Variants in ANKRD6 observed in about 807,000 individuals in gnomAD.
ANKRD6 encodes the protein ankyrin repeat domain 6.
Under a neutral mutation model 82.3 loss-of-function variants are expected in ANKRD6, and 56 were observed. The observed-to-expected ratio is 0.68, with a 90% confidence interval of 0.55 to 0.85. The LOEUF is 0.85. Among genes scored for constraint, ANKRD6 ranks in the 40% least tolerant of loss-of-function variants. ANKRD6 has a pLI of 0.00. For synonymous variants in ANKRD6, 347 were observed against 352.1 expected (o/e 0.99, Z 0.16); for missense variants, 852 against 907.6 (o/e 0.94, Z 0.79).
intron 4 of ANKRD6, among the ~76,000 whole-genome samples, chr6:89,603,666 T>C (rs1297386024): frequency 6.6e-6 from 1 of 152,090 alleles, no homozygotes; most frequent in Admixed American, 6.5e-5. Flanking sequence ...TTAATTTCTT[T>C]AAACTATATT....
chr6:89,453,688 T>C (rs1582675285), intron 1 of ANKRD6, among the ~76,000 whole-genome samples: 1 of 152,220 alleles, frequency 6.6e-6, no homozygotes, highest in East Asian at 1.9e-4. Flanking sequence ...CAAGCTATTC[T>C]CCTGCCTCGG....
At chr6:89,495,259 A>G (rs544118867) in intron 1 of ANKRD6, among the ~76,000 whole-genome samples, 93 of 151,536 alleles carry the variant, frequency 6.1e-4, no homozygotes, top group Non-Finnish European at 1.1e-3. Flanking sequence ...AAACAAAACA[A>G]AACAGAAGAA....
At chr6:89,459,610 C>T (rs1322567070) in intron 1 of ANKRD6, among the ~76,000 whole-genome samples, 2 of 152,180 alleles carry the variant, frequency 1.3e-5, no homozygotes, top group Non-Finnish European at 2.9e-5. Flanking sequence ...AGTGATCCTC[C>T]TGCTTCAGAT....
intron 1 of ANKRD6, among the ~76,000 whole-genome samples, chr6:89,547,502 G>A (rs1297339794): frequency 2.0e-5 from 3 of 152,138 alleles, no homozygotes; most frequent in Non-Finnish European, 4.4e-5. Flanking sequence ...CCTCTGGGGG[G>A]CAGCCTGCCC....
chr6:89,440,705 C>A (rs986890510), intron 1 of ANKRD6, among the ~76,000 whole-genome samples: 1 of 151,726 alleles, frequency 6.6e-6, no homozygotes, highest in Non-Finnish European at 1.5e-5. Context: ...GTGGGAGGAT[C>A]GATCGCTTGA....
intron 1 of ANKRD6, among the ~76,000 whole-genome samples, chr6:89,512,432 T>C (rs1780661455): frequency 6.6e-6 from 1 of 152,214 alleles, no homozygotes; most frequent in South Asian, 2.1e-4. Flanking sequence ...GGGGCAAATC[T>C]AAGCCACCTC....
At chr6:89,504,646 C>G (rs1779642132) in intron 1 of ANKRD6, among the ~76,000 whole-genome samples, 1 of 152,122 alleles carries the variant, frequency 6.6e-6, no homozygotes, top group South Asian at 2.1e-4. Context: ...CTCAAGCAAT[C>G]CTCCTTTCTT....
intron 1 of ANKRD6, among the ~76,000 whole-genome samples, chr6:89,521,060 A>G (rs935571156): frequency 3.3e-5 from 5 of 152,194 alleles, no homozygotes; most frequent in Admixed American, 1.3e-4. Flanking sequence ...GCAGGAAATA[A>G]CATGTTGAGA....
At chr6:89,580,650 A>G (rs1792308060) in intron 2 of ANKRD6, among the ~76,000 whole-genome samples, 1 of 151,912 alleles carries the variant, frequency 6.6e-6, no homozygotes, top group Non-Finnish European at 1.5e-5. Flanking sequence ...ACAAAACCTC[A>G]CTTCCACGAG....
intron 2 of ANKRD6, among the ~76,000 whole-genome samples, chr6:89,591,214 C>T (rs1392391718): frequency 1.3e-5 from 2 of 152,302 alleles, no homozygotes; most frequent in East Asian, 3.9e-4. Flanking sequence ...ATCCATCCAG[C>T]CTCCTCAGCC....
At chr6:89,526,271 C>G (rs571010428) in intron 1 of ANKRD6, among the ~76,000 whole-genome samples, 235 of 152,320 alleles carry the variant, frequency 1.5e-3, no homozygotes, top group African/African-American at 5.4e-3. Context: ...CTACCCCATC[C>G]AGTTTCCCCA....
intron 1 of ANKRD6, among the ~76,000 whole-genome samples, chr6:89,486,780 C>G (rs9968932): frequency 0.011 from 1,750 of 152,244 alleles, 31 homozygotes; most frequent in African/African-American, 0.038. Context: ...GTCAATGGCC[C>G]TCTTCCTGGT....
chr6:89,498,762 G>A (rs965119485), intron 1 of ANKRD6, among the ~76,000 whole-genome samples: 1 of 152,198 alleles, frequency 6.6e-6, no homozygotes, highest in Non-Finnish European at 1.5e-5. Context: ...CTATGGATTA[G>A]ATGGATTCTT....
rs1205690140 is a variant in ANKRD6, at chr6:89,628,779, AAC to A, written c.1486-331_1486-330del. The A allele has an allele frequency of 3.7e-3, 980 of 266,036 alleles. 14 individuals are homozygous for A. Among genetic ancestry groups the A allele is most frequent in the African/African-American group, 0.021 (922 of 44,120 alleles). The allele number at this position is 266,036 out of a possible 1,614,324, so 16.5% of individuals were successfully genotyped here. On this transcript the variant is annotated intron_variant, in intron 14 of 15. Transcript: ENST00000339746. ...AGCGAGACTTCCATCTCAAAAAACAAACAAACAAACAAAAAAAAAAACTAATA... is the reference window on the plus strand; with the variant it reads ...AGCGAGACTTCCATCTCAAAAAACAAAAACAAACAAAAAAAAAAACTAATA...
intron 1 of ANKRD6, among the ~76,000 whole-genome samples, chr6:89,461,182 G>A (rs891627613): frequency 4.6e-5 from 7 of 152,088 alleles, no homozygotes; most frequent in Non-Finnish European, 8.8e-5. Context: ...CTGAAGTGTT[G>A]GGATTACAGG....
At chr6:89,555,215 C>G in intron 1 of ANKRD6, among the ~76,000 whole-genome samples, 1 of 151,330 alleles carries the variant, frequency 6.6e-6, no homozygotes, top group African/African-American at 2.4e-5. Flanking sequence ...TCCTAAAGCC[C>G]AGGAATTTCT....
intron 1 of ANKRD6, among the ~76,000 whole-genome samples, chr6:89,514,400 TTTTTGTTTTG>T (rs889191182): frequency 1.3e-5 from 2 of 151,680 alleles, no homozygotes; most frequent in Non-Finnish European, 2.9e-5. Context: ...TTTTTTGGAG[TTTTTGTTTTG>T]TTTTGTTTTG....
intron 1 of ANKRD6, among the ~76,000 whole-genome samples, chr6:89,536,656 C>A (rs1484415192): frequency 6.6e-6 from 1 of 152,192 alleles, no homozygotes; most frequent in Non-Finnish European, 1.5e-5. Flanking sequence ...TGTGTCTGCG[C>A]GTGCGCTGTC....
At chr6:89,547,006 G>A (rs1173195943) in intron 1 of ANKRD6, among the ~76,000 whole-genome samples, 1 of 151,872 alleles carries the variant, frequency 6.6e-6, no homozygotes, top group Non-Finnish European at 1.5e-5. Flanking sequence ...CTGTTGTCCA[G>A]GCTGGAATGC....
Sources: allele counts gnomAD v4.1 joint callset (sites outside exome capture counted in the v4.1 genomes callset), GRCh38; gene constraint gnomAD v4.1.1; transcripts MANE v1.5; gene names NCBI Gene and HGNC (gene_info 2026-07-23, HGNC 2026-07-21).